The following TMEM132D variants were observed in gnomAD, a reference collection of about 807,000 sequenced individuals.
TMEM132D encodes the protein transmembrane protein 132D.
A neutral mutation model predicts 62.3 loss-of-function variants in TMEM132D; 21 were observed. The observed-to-expected ratio is 0.34, with a 90% CI of 0.24 to 0.49. The LOEUF is 0.49. Among genes scored for constraint, TMEM132D ranks in the 20% least tolerant of loss-of-function variants. The pLI, the probability that TMEM132D is intolerant of heterozygous loss-of-function variation, is 0.99. For missense variants in TMEM132D, 1,346 were observed against 1,402.8 expected (o/e 0.96, Z 0.65); for synonymous variants, 621 against 575.6 (o/e 1.08, Z -1.13).
chr12:129,270,905 G>GGTT lies in TMEM132D; in HGVS notation c.1300-61245_1300-61243dup, dbSNP rs1460635556. ...GGTTTAACTTGTATTGTTAAAAAAT[G>GGTT]GTTGTTGTTGAGTATCTTGCAATGG... On this transcript the variant is annotated intron_variant, in intron 4 of 8. Transcript: ENST00000422113. Among the ~76,000 whole-genome samples, 3 of 152,266 alleles carry GGTT rather than the reference G, an allele frequency of 2.0e-5. No individual in the cohort carries two copies. The South Asian group carries it at 6.2e-4, about 32-fold the overall frequency.
chr12:129,081,052 G>A (rs941465627), intron 7 of TMEM132D, among the ~76,000 whole-genome samples: 7 of 152,172 alleles, frequency 4.6e-5, no homozygotes, highest in Non-Finnish European at 7.3e-5. Context: ...TCCTGAAGCC[G>A]TGGGAAGGTT....
At chr12:129,599,955 G>A (rs935326592) in intron 2 of TMEM132D, among the ~76,000 whole-genome samples, 2 of 152,170 alleles carry the variant, frequency 1.3e-5, no homozygotes, top group Non-Finnish European at 2.9e-5. Context: ...ACTGCTGAAG[G>A]TTGGAGTGGC....
At chr12:129,692,112 T>C (rs1364797366) in intron 2 of TMEM132D, among the ~76,000 whole-genome samples, 1 of 152,034 alleles carries the variant, frequency 6.6e-6, no homozygotes, top group Non-Finnish European at 1.5e-5. Context: ...ACCAAAACCA[T>C]ATGAAGACAT....
chr12:129,177,293 C>T (rs1258182899), intron 5 of TMEM132D, among the ~76,000 whole-genome samples: 1 of 152,042 alleles, frequency 6.6e-6, no homozygotes, highest in African/African-American at 2.4e-5. Flanking sequence ...TGGGCTATGT[C>T]GTCAATAAAA....
intron 1 of TMEM132D, among the ~76,000 whole-genome samples, chr12:129,899,796 C>G (rs1244257135): frequency 1.3e-5 from 2 of 152,082 alleles, no homozygotes; most frequent in Non-Finnish European, 2.9e-5. Flanking sequence ...TCATACAAAA[C>G]AAAACTTAGT....
chr12:129,766,946 T>C (rs1369938391), intron 1 of TMEM132D, among the ~76,000 whole-genome samples: 1 of 152,154 alleles, frequency 6.6e-6, no homozygotes, highest in Admixed American at 6.5e-5. Context: ...TAATACAGAT[T>C]AGCTTGCCCT....
chr12:129,521,555 T>C (rs554065901), intron 3 of TMEM132D: 1 of 152,320 alleles, frequency 6.6e-6, no homozygotes, highest in East Asian at 1.9e-4. Context: ...GGTAACCAGG[T>C]ACTTCGTAAC....
At chr12:129,362,543 T>C (rs1050227531) in intron 3 of TMEM132D, among the ~76,000 whole-genome samples, 1 of 151,960 alleles carries the variant, frequency 6.6e-6, no homozygotes, top group South Asian at 2.1e-4. Flanking sequence ...AAAAAACATA[T>C]TCGCCTGGAA....
intron 4 of TMEM132D, among the ~76,000 whole-genome samples, chr12:129,289,547 T>TAAAAAAAAAAAAAAAAAAAAA (rs59709658): frequency 1.3e-4 from 12 of 91,838 alleles, no homozygotes; most frequent in African/African-American, 2.3e-4. Flanking sequence ...TCCATCTCAA[T>TAAAAAAAAAAAAAAAAAAAAA]AAAAAAAAAA....
At chr12:129,245,559 T>A (rs1426702225) in intron 4 of TMEM132D, among the ~76,000 whole-genome samples, 1 of 152,110 alleles carries the variant, frequency 6.6e-6, no homozygotes, top group Non-Finnish European at 1.5e-5. Flanking sequence ...TAGAACTTTT[T>A]TTTTTTTTGG....
intron 2 of TMEM132D, among the ~76,000 whole-genome samples, chr12:129,543,375 AGGATGGAT>A (rs546145246): frequency 1.2e-3 from 152 of 125,162 alleles, no homozygotes; most frequent in African/African-American, 4.5e-3. Flanking sequence ...GATGGATGTA[AGGATGGAT>A]GGATGGATGG....
At chr12:129,456,641 A>G (rs1422931472) in intron 3 of TMEM132D, among the ~76,000 whole-genome samples, 1 of 152,320 alleles carries the variant, frequency 6.6e-6, no homozygotes, top group East Asian at 1.9e-4. Context: ...ACCAAGCCAT[A>G]GGTAACCATG....
At chr12:129,532,484 G>A (rs373773817) in intron 2 of TMEM132D, among the ~76,000 whole-genome samples, 1 of 152,188 alleles carries the variant, frequency 6.6e-6, no homozygotes, top group East Asian at 1.9e-4. Context: ...AGCAGGACAC[G>A]TCTGTCCCTA....
intron 4 of TMEM132D, among the ~76,000 whole-genome samples, chr12:129,260,983 C>G (rs1477448130): frequency 6.6e-6 from 1 of 152,192 alleles, no homozygotes; most frequent in East Asian, 1.9e-4. Context: ...GCATATGCAT[C>G]TATCTTTTTC....
At chr12:129,592,382 T>C (rs1258532011) in intron 2 of TMEM132D, among the ~76,000 whole-genome samples, 4 of 152,232 alleles carry the variant, frequency 2.6e-5, no homozygotes, top group African/African-American at 7.2e-5. Context: ...CTATTCTAAG[T>C]ACTATGTCAT....
chr12:129,084,508 G>A lies in TMEM132D; in HGVS notation c.1638C>T (p.Val546=), dbSNP rs574953184. 1.3e-6 allele frequency: 2 copies of A among 1,597,796 alleles called. No individual in the cohort carries two copies. The highest frequency in any genetic ancestry group is 1.1e-5 in the South Asian group (1 of 87,522). The change falls in exon 6 of 9, where the codon GTC becomes GTT. Residue 546 remains valine, a synonymous_variant. Transcript: ENST00000422113. ...AGGGACATACCCACCTCCTGCTGGA[G>A]ACGATGGGCACTCTCCAACCCTTGA... ...NQIKGWRVPI[V]SSRRPAGDSE...
At chr12:129,859,033 G>C (rs923119709) in intron 1 of TMEM132D, among the ~76,000 whole-genome samples, 8 of 150,166 alleles carry the variant, frequency 5.3e-5, no homozygotes, top group African/African-American at 2.0e-4. Context: ...CGGAGTCCGG[G>C]GGAACGGGAT....
chr12:129,462,104 C>A (rs1873696769), intron 3 of TMEM132D, among the ~76,000 whole-genome samples: 1 of 152,130 alleles, frequency 6.6e-6, no homozygotes, highest in Non-Finnish European at 1.5e-5. Context: ...CCAGGCTTTT[C>A]TACTGTAAGA....
intron 1 of TMEM132D, among the ~76,000 whole-genome samples, chr12:129,763,797 G>A (rs1253972699): frequency 8.5e-5 from 13 of 152,118 alleles, no homozygotes; most frequent in Admixed American, 8.5e-4. Flanking sequence ...TGAAGCAAGT[G>A]TGCCCAATTC....
Sources: allele counts gnomAD v4.1 joint callset (sites outside exome capture counted in the v4.1 genomes callset), GRCh38; gene constraint gnomAD v4.1.1; transcripts MANE v1.5; gene names NCBI Gene and HGNC (gene_info 2026-07-23, HGNC 2026-07-21).